TRIM58: variants seen among roughly 807,000 people sequenced by gnomAD.
The protein encoded by TRIM58 is E3 ubiquitin-protein ligase TRIM58.
Under a neutral mutation model 34.1 loss-of-function variants are expected in TRIM58, and 38 were observed. The observed-to-expected ratio is 1.12, with a 90% CI of 0.86 to 1.46. TRIM58 has a LOEUF of 1.46. TRIM58 is among the 40% of genes most tolerant of loss of function. TRIM58 has a pLI of 0.00. For missense variants in TRIM58, 677 were observed against 642.0 expected, an observed-to-expected ratio of 1.05 and a Z score of -0.59; for synonymous variants, 273 against 275.7, an observed-to-expected ratio of 0.99 and a Z score of 0.10.
At chr1:247,863,549 T>G (rs942228590) in intron 2 of TRIM58, among the ~76,000 whole-genome samples, 1 of 144,688 alleles carries the variant, frequency 6.9e-6, no homozygotes, top group African/African-American at 2.5e-5. Flanking sequence ...AAAAAAAGAT[T>G]AAAAAAAAAA....
rs1659355652 is a variant in TRIM58 at position 247,879,149 on chromosome 1, A to G, written c.*2660A>G. Among the ~76,000 whole-genome samples the G allele has an allele frequency of 6.6e-6, 1 of 152,130 alleles. No homozygotes were observed. Among genetic ancestry groups the G allele is most frequent in the African/African-American group, 2.4e-5 (1 of 41,432 alleles). On this transcript the variant is annotated 3_prime_UTR_variant, in exon 6 of 6. Coordinates refer to ENST00000366481, the MANE Select transcript of TRIM58 (RefSeq NM_015431.4). ...CAAATTTCTCCCCAAGTCTCTCCCTAACTGCAACAACAAAAACCACAGGCT... is the reference window on the plus strand; with the variant it reads ...CAAATTTCTCCCCAAGTCTCTCCCTGACTGCAACAACAAAAACCACAGGCT...
chr1:247,873,058 T>C (rs1659185450), intron 5 of TRIM58, among the ~76,000 whole-genome samples: 1 of 152,012 alleles, frequency 6.6e-6, no homozygotes, highest in Non-Finnish European at 1.5e-5. Context: ...TGAGGAAACC[T>C]TGTCTCTACT....
Position 247,879,040 on chromosome 1 carries a change from C to T in TRIM58, c.*2551C>T, listed in dbSNP as rs1375629570. Among the ~76,000 whole-genome samples, 3 of 152,162 alleles carry T rather than the reference C, an allele frequency of 2.0e-5. No homozygotes were observed. The highest frequency in any genetic ancestry group is 4.4e-5 in the Non-Finnish European group (3 of 68,042). ...GTTTCCTGGCTTTCCCTCTCCTTTC[C>T]TCTGAATGGTAGTCTTTTATATTCA... On this transcript the variant is annotated 3_prime_UTR_variant, in exon 6 of 6. Transcript: ENST00000366481.
intron 2 of TRIM58, among the ~76,000 whole-genome samples, chr1:247,861,921 C>T (rs1296560510): frequency 2.0e-5 from 3 of 151,424 alleles, no homozygotes; most frequent in Admixed American, 6.6e-5. Flanking sequence ...GTCAGGAGTT[C>T]GAGACCAGCC....
intron 5 of TRIM58, among the ~76,000 whole-genome samples, chr1:247,872,957 C>T (rs112685423): frequency 0.041 from 6,284 of 152,156 alleles, 452 homozygotes; most frequent in African/African-American, 0.14. Context: ...GGGCCGGGCG[C>T]GGTGGCTCAC....
Position 247,876,559 on chromosome 1 carries a change from C to A in TRIM58, c.*70C>A. 8.0e-7 allele frequency: 1 copy of A among 1,256,708 alleles called. No individual in the cohort carries two copies. 77.8% of individuals were successfully genotyped at this position (1,256,708 alleles called of 1,614,324 possible). On this transcript the variant is annotated 3_prime_UTR_variant, in exon 6 of 6. Coordinates refer to ENST00000366481, the MANE Select transcript of TRIM58 (RefSeq NM_015431.4). ...GAGTGGGGTGAAGGATATCAATATA[C>A]TAAGTTTTAACAGATACCCCATTTA...
intron 5 of TRIM58, among the ~76,000 whole-genome samples, chr1:247,869,629 T>C (rs1325657457): frequency 2.0e-5 from 3 of 152,224 alleles, no homozygotes; most frequent in Non-Finnish European, 4.4e-5. Flanking sequence ...CACAGTATCA[T>C]AGGCATGGTG....
chr1:247,876,556 ATAC>A lies in TRIM58; in HGVS notation c.*70_*72del. 7.8e-7 allele frequency: 1 copy of A among 1,280,334 alleles called. No individual in the cohort carries two copies. The highest frequency in any genetic ancestry group is 1.1e-6 in the Non-Finnish European group (1 of 927,720). The allele number at this position is 1,280,334 out of a possible 1,614,324, so 79.3% of individuals were successfully genotyped here. ...CTGGAGTGGGGTGAAGGATATCAAT[ATAC>A]TAAGTTTTAACAGATACCCCATTTA... On this transcript the variant is annotated 3_prime_UTR_variant, in exon 6 of 6. Coordinates refer to ENST00000366481, the MANE Select transcript of TRIM58 (RefSeq NM_015431.4).
intron 1 of TRIM58, among the ~76,000 whole-genome samples, chr1:247,858,840 A>C (rs1298159236): frequency 7.6e-6 from 1 of 131,412 alleles, no homozygotes; most frequent in East Asian, 2.5e-4. Flanking sequence ...GGCTCATTGC[A>C]ACCTCCGTCT....
Position 247,857,375 on chromosome 1 carries a change from C to T in TRIM58, c.129C>T (p.Phe43=). Residue 43 remains phenylalanine, a synonymous_variant, in exon 1 of 6, where the codon TTC becomes TTT. Transcript: ENST00000366481. Reference sequence around the variant, plus strand: ...TCTGCCTCAGGTGCATCTCCGAGTTCTGCGAGAAGTCGGACGGCGCGCAGG... The same window carrying T: ...TCTGCCTCAGGTGCATCTCCGAGTTTTGCGAGAAGTCGGACGGCGCGCAGG... ...HSFCLRCISE[F]CEKSDGAQGG... 7 of 1,527,316 alleles carry T rather than the reference C, an allele frequency of 4.6e-6. No individual in the cohort carries two copies. The highest frequency in any genetic ancestry group is 6.2e-6 in the Non-Finnish European group (7 of 1,136,204). The allele number at this position is 1,527,316 out of a possible 1,614,324, so 94.6% of individuals were successfully genotyped here. A position where few individuals can be genotyped will look rare whatever the true frequency, so the allele number is the denominator to read the frequency against.
chr1:247,858,791 A>T (rs1663702747), intron 1 of TRIM58, among the ~76,000 whole-genome samples: 1 of 108,864 alleles, frequency 9.2e-6, no homozygotes, highest in Non-Finnish European at 1.7e-5. Flanking sequence ...GACGGAGTCT[A>T]GTTCTGTAGC....
chr1:247,868,022 G>A lies in TRIM58; in HGVS notation c.830G>A (p.Cys277Tyr). ...ATCCCCATGGAACTGAAGACAGCAT[G>A]CTGCATCCCTGGGAGGAGGGAGCTC... The part of the protein sequence containing the change: ...ENIPMELKTA[C>Y]CIPGRRELLR... The change falls in exon 5 of 6, where the codon TGC becomes TAC. Residue 277 changes from cysteine to tyrosine, a missense_variant. Cys to Tyr is a radical substitution (Grantham distance 194, BLOSUM62 -2). Coordinates refer to ENST00000366481, the MANE Select transcript of TRIM58 (RefSeq NM_015431.4). 1 of 1,611,804 alleles carries A rather than the reference G, an allele frequency of 6.2e-7. No individual in the cohort carries two copies. Among genetic ancestry groups the A allele is most frequent in the Non-Finnish European group, 8.5e-7 (1 of 1,179,418 alleles).
intron 1 of TRIM58, 136 bp downstream of exon 1, chr1:247,857,802 C>A (rs1298690107): frequency 1.7e-6 from 2 of 1,153,510 alleles, no homozygotes; most frequent in East Asian, 3.7e-5. Context: ...GCCGTCCCCC[C>A]CGCCCACGCG....
intron 2 of TRIM58, among the ~76,000 whole-genome samples, chr1:247,861,831 A>G (rs1312567777): frequency 1.3e-5 from 2 of 152,254 alleles, no homozygotes; most frequent in East Asian, 3.9e-4. Flanking sequence ...CAGAAGAAAC[A>G]TGTACATTAA....
chr1:247,859,171 TTA>T (rs1663719808), intron 1 of TRIM58, among the ~76,000 whole-genome samples: 1 of 152,154 alleles, frequency 6.6e-6, no homozygotes, highest in Non-Finnish European at 1.5e-5. Context: ...GGGCCCTAAG[TTA>T]TGTTTCCATA....
At position 247,857,213 on chromosome 1, in the gene TRIM58, G is replaced by C; in HGVS notation, c.-34G>C. On this transcript the variant is annotated 5_prime_UTR_variant, in exon 1 of 6. Coordinates refer to ENST00000366481, the MANE Select transcript of TRIM58 (RefSeq NM_015431.4). ...CAGACCGCGAGGGGAGACGGTGCGG[G>C]CGGCCGGGAGCGCAGCCCTCCGGGA... 9.2e-6 allele frequency: 12 copies of C among 1,306,748 alleles called. No individual in the cohort carries two copies. The highest frequency in any genetic ancestry group is 1.2e-5 in the Non-Finnish European group (12 of 1,022,610). The allele number at this position is 1,306,748 out of a possible 1,614,324, so 80.9% of individuals were successfully genotyped here.
At position 247,878,115 on chromosome 1, in the gene TRIM58, A is replaced by T. The variant is rs45445998; in HGVS notation, c.*1626A>T. The T allele has an allele frequency of 0.13, 19,703 of 152,054 alleles. 1,560 individuals carry two copies. The highest frequency in any genetic ancestry group is 0.18 in the East Asian group (945 of 5,164). The allele number at this position is 152,054 out of a possible 1,614,324, so 9.4% of individuals were successfully genotyped here. On this transcript the variant is annotated 3_prime_UTR_variant, in exon 6 of 6. Transcript: ENST00000366481. ...GAGGCAGAGCTTGTAGTGAGCCGAG[A>T]TCGCGCCACTGCACTCCAGCCGGGG... is the stretch of plus-strand genomic sequence containing the variant.
rs543054414 is a variant in TRIM58 at position 247,864,914 on chromosome 1, C to T, written c.726C>T (p.Arg242=). 7 of 1,589,744 alleles carry T rather than the reference C, an allele frequency of 4.4e-6. No homozygotes were observed. In the East Asian group the frequency reaches 1.4e-4, roughly 31 times the overall value. The change falls in exon 3 of 6, where the codon CGC becomes CGT. Residue 242 remains arginine, a synonymous_variant. Coordinates refer to ENST00000366481, the MANE Select transcript of TRIM58 (RefSeq NM_015431.4). ...LADELQERCQ[R]PALGLLEGVR... ...ATGAGCTGCAGGAGAGGTGCCAGCG[C>T]CCGGCCCTGGGTCTGCTGGAGGTGA...
intron 2 of TRIM58, 38 bp from the exon 3 acceptor site, chr1:247,864,667 G>GC: frequency 1.2e-6 from 2 of 1,604,448 alleles, no homozygotes; most frequent in Non-Finnish European, 1.7e-6. Flanking sequence ...GCTGCTGGAG[G>GC]CCAAGCACTG....
Sources: allele counts gnomAD v4.1 joint callset (sites outside exome capture counted in the v4.1 genomes callset), GRCh38; gene constraint gnomAD v4.1.1; transcripts MANE v1.5; gene names NCBI Gene and HGNC (gene_info 2026-07-23, HGNC 2026-07-21).